MICOS10: variants seen among roughly 807,000 people sequenced by gnomAD.
The protein encoded by MICOS10 is mitochondrial contact site and cristae organizing system subunit 10.
A neutral mutation model predicts 13.4 loss-of-function variants in MICOS10; 5 were observed. That is an observed-to-expected ratio of 0.37 (90% CI 0.20 to 0.78). The LOEUF is 0.78. MICOS10 is among the 30% of genes least tolerant of loss of function. The pLI is 0.47. For synonymous variants in MICOS10, 35 were observed against 33.6 expected, an observed-to-expected ratio of 1.04 and a Z score of -0.15; for missense variants, 101 against 94.6, an observed-to-expected ratio of 1.07 and a Z score of -0.28.
chr1:19,607,748 A>G (rs2100266094), intron 1 of MICOS10, among the ~76,000 whole-genome samples: 1 of 152,338 alleles, frequency 6.6e-6, no homozygotes, highest in South Asian at 2.1e-4. Context: ...CTGAAAATGT[A>G]AACAATCCAA....
chr1:19,618,882 C>T (rs953781445), intron 1 of MICOS10, among the ~76,000 whole-genome samples: 3 of 152,208 alleles, frequency 2.0e-5, no homozygotes, highest in Admixed American at 6.5e-5. Flanking sequence ...GCTCATGCAT[C>T]TTGATGTAAG....
In MICOS10 at chr1:19,608,053, A is replaced by G; in HGVS notation, c.64+10944A>G. ...AAAGGGTCGTAGACCTAAATATAAA[A>G]GCTAAAACTATAAAACCTATAAGAG... is the stretch of plus-strand genomic sequence containing the variant. On this transcript the variant is annotated intron_variant, in intron 1 of 3. Coordinates refer to ENST00000322753, the MANE Select transcript of MICOS10 (RefSeq NM_001032363.4). 6.5e-6 allele frequency: 5 copies of G among 772,720 alleles called. 1 individual carries two copies. Among genetic ancestry groups the G allele is most frequent in the South Asian group, 4.3e-5 (3 of 69,036 alleles). The allele number at this position is 772,720 out of a possible 1,614,324, so 47.9% of individuals were successfully genotyped here. A position where few individuals can be genotyped will look rare whatever the true frequency, so the allele number is the denominator to read the frequency against.
chr1:19,604,947 A>G (rs999499220), intron 1 of MICOS10, among the ~76,000 whole-genome samples: 3 of 152,198 alleles, frequency 2.0e-5, no homozygotes, highest in Non-Finnish European at 4.4e-5. Context: ...AATGATGAGA[A>G]TGACCATCAC....
intron 1 of MICOS10, among the ~76,000 whole-genome samples, chr1:19,600,459 C>G (rs1239062718): frequency 6.6e-6 from 1 of 152,286 alleles, no homozygotes; most frequent in East Asian, 1.9e-4. Flanking sequence ...TCATTGGCTG[C>G]TTGCTTTTCT....
intron 2 of MICOS10, among the ~76,000 whole-genome samples, chr1:19,622,955 C>T (rs1176125378): frequency 1.5e-5 from 2 of 132,380 alleles, no homozygotes; most frequent in Non-Finnish European, 3.1e-5. Context: ...CGGAGTCTTG[C>T]TCTGTCGCCA....
chr1:19,618,267 G>A (rs72959465), intron 1 of MICOS10, among the ~76,000 whole-genome samples: 3,141 of 150,816 alleles, frequency 0.021, 110 homozygotes, highest in African/African-American at 0.073. Context: ...CATCATGCCT[G>A]GCTGATTTTT....
chr1:19,597,938 C>G (rs1442036987), intron 1 of MICOS10: 1 of 152,134 alleles, frequency 6.6e-6, no homozygotes, highest in African/African-American at 2.4e-5. Context: ...GTCCCATGTT[C>G]CTTCTTCGAT....
At chr1:19,618,306 G>A (rs1193199583) in intron 1 of MICOS10, among the ~76,000 whole-genome samples, 3 of 148,090 alleles carry the variant, frequency 2.0e-5, no homozygotes, top group Admixed American at 6.7e-5. Flanking sequence ...TTATTATTTT[G>A]TTTTGTTTTT....
At chr1:19,613,261 TC>T (rs528768126) in intron 1 of MICOS10, among the ~76,000 whole-genome samples, 87 of 152,318 alleles carry the variant, frequency 5.7e-4, no homozygotes, top group Middle Eastern at 6.8e-3. Context: ...GGCGGCTTCT[TC>T]AGATCTGTCC....
intron 1 of MICOS10, chr1:19,617,247 G>T (rs1224835970): frequency 1.6e-5 from 16 of 983,544 alleles, no homozygotes; most frequent in Admixed American, 6.2e-5. Flanking sequence ...TTGTTTGCTT[G>T]TTCTAATCAG....
chr1:19,600,451 A>T lies in MICOS10; in HGVS notation c.64+3342A>T, dbSNP rs1331122855. On this transcript the variant is annotated intron_variant, in intron 1 of 3. Transcript: ENST00000322753. ...GAGGTTCTGGAACTCTTTAAACCTC[A>T]TTGGCTGCTTGCTTTTCTGGTATTT... 5.3e-5 allele frequency among the ~76,000 whole-genome samples: 8 copies of T among 152,294 alleles called. No individual in the cohort carries two copies. In the East Asian group the frequency reaches 1.5e-3, roughly 29 times the overall value.
At chr1:19,600,041 C>T (rs1247882704) in intron 1 of MICOS10, among the ~76,000 whole-genome samples, 1 of 151,854 alleles carries the variant, frequency 6.6e-6, no homozygotes, top group Non-Finnish European at 1.5e-5. Context: ...TTTCACTGCC[C>T]TCAACAGGGA....
chr1:19,605,946 T>C (rs1306182092), intron 1 of MICOS10, among the ~76,000 whole-genome samples: 1 of 152,218 alleles, frequency 6.6e-6, no homozygotes, highest in Admixed American at 6.5e-5. Context: ...TGTTTAGCAT[T>C]CGAAGAAATT....
At chr1:19,611,017 T>A (rs1351396509) in intron 1 of MICOS10, among the ~76,000 whole-genome samples, 1 of 151,942 alleles carries the variant, frequency 6.6e-6, no homozygotes, top group Non-Finnish European at 1.5e-5. Context: ...AGTGGCACGA[T>A]CTTGGCTCAC....
At chr1:19,620,696 G>C (rs1472879627) in intron 1 of MICOS10, among the ~76,000 whole-genome samples, 1 of 152,148 alleles carries the variant, frequency 6.6e-6, no homozygotes, top group Non-Finnish European at 1.5e-5. Flanking sequence ...GCATATATCT[G>C]AATTCTAGAG....
intron 1 of MICOS10, among the ~76,000 whole-genome samples, chr1:19,611,845 G>A (rs1388703013): frequency 4.0e-5 from 6 of 150,614 alleles, no homozygotes; most frequent in Non-Finnish European, 8.9e-5. Context: ...GGTGGCATGC[G>A]CCTGTAGTCC....
At chr1:19,607,416 T>G (rs1423425666) in intron 1 of MICOS10, among the ~76,000 whole-genome samples, 1 of 152,230 alleles carries the variant, frequency 6.6e-6, no homozygotes. Context: ...CTTTGGCAAG[T>G]GCATTTCAGT....
intron 1 of MICOS10, among the ~76,000 whole-genome samples, chr1:19,609,413 A>G (rs938161162): frequency 2.0e-5 from 3 of 152,236 alleles, no homozygotes; most frequent in African/African-American, 7.2e-5. Context: ...GAAATGGTAG[A>G]ACCACTTTGG....
intron 1 of MICOS10, among the ~76,000 whole-genome samples, chr1:19,620,978 A>G (rs1422092532): frequency 2.0e-5 from 3 of 152,320 alleles, no homozygotes; most frequent in East Asian, 3.9e-4. Context: ...TCTGATTGTA[A>G]GCCATTATGT....
Sources: allele counts gnomAD v4.1 joint callset (sites outside exome capture counted in the v4.1 genomes callset), GRCh38; gene constraint gnomAD v4.1.1; transcripts MANE v1.5; gene names NCBI Gene and HGNC (gene_info 2026-07-23, HGNC 2026-07-21).